CHRM3: variants seen among roughly 807,000 people sequenced by gnomAD.
CHRM3 encodes muscarinic acetylcholine receptor M3.
A neutral mutation model predicts 41.8 loss-of-function variants in CHRM3; 11 were observed. That is an observed-to-expected ratio of 0.26 (90% CI 0.17 to 0.44). The LOEUF (loss-of-function observed/expected upper bound fraction) is 0.44, where lower values mean the gene tolerates loss of function less well. Ranked by LOEUF, CHRM3 falls within the 20% of genes least tolerant of loss-of-function variation. The pLI is 1.00. For synonymous variants in CHRM3, 297 were observed against 301.4 expected (o/e 0.99, Z 0.15); for missense variants, 571 against 745.4 (o/e 0.77, Z 2.72).
At chr1:239,736,242 C>G (rs1240734361) in intron 5 of CHRM3, among the ~76,000 whole-genome samples, 1 of 151,980 alleles carries the variant, frequency 6.6e-6, no homozygotes, top group East Asian at 1.9e-4. Context: ...AGTAAATAAG[C>G]TGCCCCAAAG....
intron 5 of CHRM3, among the ~76,000 whole-genome samples, chr1:239,733,662 T>G (rs1278982999): frequency 6.6e-6 from 1 of 151,982 alleles, no homozygotes; most frequent in Non-Finnish European, 1.5e-5. Context: ...GAAAAAATAT[T>G]TTGAGATAAA....
At chr1:239,869,278 G>A (rs1411505095) in intron 6 of CHRM3, among the ~76,000 whole-genome samples, 1 of 152,178 alleles carries the variant, frequency 6.6e-6, no homozygotes, top group African/African-American at 2.4e-5. Flanking sequence ...GGAAGACAGA[G>A]TCAAGAATTA....
chr1:239,709,311 A>G (rs1336604000), intron 5 of CHRM3, among the ~76,000 whole-genome samples: 1 of 152,200 alleles, frequency 6.6e-6, no homozygotes, highest in Non-Finnish European at 1.5e-5. Flanking sequence ...GCTGGTGAGC[A>G]GAGGTCTTGG....
chr1:239,734,014 G>T (rs934391487), intron 5 of CHRM3, among the ~76,000 whole-genome samples: 1 of 151,940 alleles, frequency 6.6e-6, no homozygotes, highest in Non-Finnish European at 1.5e-5. Flanking sequence ...ACACTTTTAC[G>T]CAATGTGGAG....
At chr1:239,785,978 C>T in intron 5 of CHRM3, among the ~76,000 whole-genome samples, 1 of 152,050 alleles carries the variant, frequency 6.6e-6, no homozygotes, top group East Asian at 1.9e-4. Context: ...TATAACTGGC[C>T]TTAGGAAATA....
chr1:239,703,925 T>C (rs1395280935), intron 5 of CHRM3: 4 of 152,334 alleles, frequency 2.6e-5, no homozygotes, highest in African/African-American at 9.6e-5. Flanking sequence ...GTTTATTAAT[T>C]GATGCAAGAA....
At chr1:239,655,037 TTA>T (rs1280522525) in intron 4 of CHRM3, among the ~76,000 whole-genome samples, 1 of 152,240 alleles carries the variant, frequency 6.6e-6, no homozygotes, top group Non-Finnish European at 1.5e-5. Context: ...GATATGTTTT[TTA>T]TTAAAGTGGT....
intron 5 of CHRM3, chr1:239,706,506 A>C (rs973518534): frequency 1.3e-5 from 2 of 152,114 alleles, no homozygotes; most frequent in Non-Finnish European, 2.9e-5. Context: ...CCTAGAAAAA[A>C]ATTTTGCTCC....
At chr1:239,872,349 G>C (rs1676661904) in intron 6 of CHRM3, among the ~76,000 whole-genome samples, 1 of 152,182 alleles carries the variant, frequency 6.6e-6, no homozygotes, top group African/African-American at 2.4e-5. Context: ...CTATCTTTCA[G>C]CTCAGACCTT....
chr1:239,744,493 G>T (rs1272205618), intron 5 of CHRM3, among the ~76,000 whole-genome samples: 3 of 152,030 alleles, frequency 2.0e-5, no homozygotes, highest in East Asian at 1.9e-4. Context: ...CGGTGGCTAT[G>T]GGGGAGGGAC....
chr1:239,581,617 ACT>A (rs1371043354), intron 3 of CHRM3, among the ~76,000 whole-genome samples: 2 of 152,088 alleles, frequency 1.3e-5, no homozygotes, highest in African/African-American at 4.8e-5. Context: ...ACCTTGATTA[ACT>A]CTGTTTAGAA....
chr1:239,868,399 C>T (rs1676298883), intron 6 of CHRM3, among the ~76,000 whole-genome samples: 2 of 152,192 alleles, frequency 1.3e-5, no homozygotes, highest in African/African-American at 2.4e-5. Flanking sequence ...GTCCTTTTCC[C>T]GTGGTTCTCA....
rs554759006 is a variant in CHRM3, at chr1:239,756,592, A to C, written c.-146-70660A>C. ...AATGTCTAATAAGGAGGAAAAATATAGTCATTGCTGAAATAATGATAAACA... is the reference window on the plus strand; with the variant it reads ...AATGTCTAATAAGGAGGAAAAATATCGTCATTGCTGAAATAATGATAAACA... On this transcript the variant is annotated intron_variant, in intron 5 of 6. Coordinates refer to ENST00000676153, the MANE Select transcript of CHRM3 (RefSeq NM_001375978.1). Among the ~76,000 whole-genome samples, 4 of 152,350 alleles carry C rather than the reference A, an allele frequency of 2.6e-5. No homozygotes were observed. The East Asian group carries it at 7.7e-4, about 29-fold the overall frequency.
chr1:239,850,925 C>G (rs1222301757), intron 6 of CHRM3, among the ~76,000 whole-genome samples: 1 of 152,138 alleles, frequency 6.6e-6, no homozygotes, highest in Non-Finnish European at 1.5e-5. Flanking sequence ...TTATTCACAG[C>G]ATGAGGAAAA....
At chr1:239,650,380 C>T (rs1200431246) in intron 4 of CHRM3, among the ~76,000 whole-genome samples, 1 of 152,146 alleles carries the variant, frequency 6.6e-6, no homozygotes, top group Non-Finnish European at 1.5e-5. Context: ...GACAGTGATA[C>T]ACTTTGTTAG....
intron 2 of CHRM3, among the ~76,000 whole-genome samples, chr1:239,541,295 A>T (rs1190709356): frequency 2.0e-5 from 3 of 152,106 alleles, no homozygotes; most frequent in African/African-American, 7.2e-5. Flanking sequence ...CATATAAGTA[A>T]TAGCTGACTT....
chr1:239,544,332 G>A (rs749562930), intron 2 of CHRM3, among the ~76,000 whole-genome samples: 29 of 152,102 alleles, frequency 1.9e-4, no homozygotes, highest in Non-Finnish European at 2.8e-4. Context: ...TGGAAGTCCC[G>A]TTAGGAAGCC....
intron 3 of CHRM3, among the ~76,000 whole-genome samples, chr1:239,599,290 A>T (rs563323448): frequency 1.3e-5 from 2 of 152,272 alleles, no homozygotes; most frequent in African/African-American, 4.8e-5. Context: ...TTCCACAGTG[A>T]CAACGCTCTC....
At chr1:239,841,277 TG>T (rs1434702919) in intron 6 of CHRM3, among the ~76,000 whole-genome samples, 2 of 152,170 alleles carry the variant, frequency 1.3e-5, no homozygotes, top group African/African-American at 4.8e-5. Context: ...GGTGACAATT[TG>T]TTAGAAGTTT....
Sources: gnomAD v4.1 joint callset for allele counts (sites outside exome capture counted in the v4.1 genomes callset) on GRCh38, gnomAD v4.1.1 for gene constraint, MANE v1.5 for transcripts, NCBI Gene and HGNC (gene_info 2026-07-23, HGNC 2026-07-21) for gene names.